The following NFIC variants were observed in gnomAD, a reference collection of about 807,000 sequenced individuals.
The protein encoded by NFIC is nuclear factor 1 C-type.
NFIC carries 12 observed loss-of-function variants against 54.4 expected under a neutral mutation model. That is an observed-to-expected ratio of 0.22 (90% CI 0.14 to 0.36). The LOEUF is 0.36. Among genes scored for constraint, NFIC ranks in the 10% least tolerant of loss-of-function variants. The probability of loss-of-function intolerance (pLI) is 1.00; values close to 1 mark genes in which losing one functional copy is unlikely to be tolerated. For missense variants in NFIC, 575 were observed against 718.2 expected (o/e 0.80, Z 2.28); for synonymous variants, 322 against 319.2 (o/e 1.01, Z -0.09).
At position 3,463,577 on chromosome 19, in the gene NFIC, G is replaced by A. The variant is rs1026525627; in HGVS notation, c.*808G>A. Reference sequence around the variant, plus strand: ...CGCTGGGGACTCTTTCAGCCCTCGCGCCCGCCCGTTTGGGAGGAGAAGTCT... The same window carrying A: ...CGCTGGGGACTCTTTCAGCCCTCGCACCCGCCCGTTTGGGAGGAGAAGTCT... On this transcript the variant is annotated 3_prime_UTR_variant, in exon 11 of 11. Coordinates refer to ENST00000443272, the MANE Select transcript of NFIC (RefSeq NM_001245002.2). The A allele has an allele frequency of 4.3e-5, 42 of 985,096 alleles. No individual in the cohort carries two copies. The African/African-American group carries it at 6.8e-4, about 16-fold the overall frequency. 61.0% of individuals were successfully genotyped at this position (985,096 alleles called of 1,614,324 possible). A position where few individuals can be genotyped will look rare whatever the true frequency, so the allele number is the denominator to read the frequency against.
rs79647326 is a variant in NFIC at position 3,370,917 on chromosome 19, C to T, written c.30+4251C>T. Among the ~76,000 whole-genome samples, 1,111 of 152,314 alleles carry T rather than the reference C, an allele frequency of 7.3e-3. 11 individuals are homozygous for T. Among genetic ancestry groups the T allele is most frequent in the African/African-American group, 0.025 (1,047 of 41,558 alleles). ...CCCTGAGCACACAGCGTGCGGGCACCCAAGTCCTGACCAGTTCACATCCAT... is the reference window on the plus strand; with the variant it reads ...CCCTGAGCACACAGCGTGCGGGCACTCAAGTCCTGACCAGTTCACATCCAT... On this transcript the variant is annotated intron_variant, in intron 1 of 10. Transcript: ENST00000443272. The surrounding 1 kb of genome is among the most constrained non-coding windows in gnomAD (Gnocchi z 5.2).
At chr19:3,384,824 C>T (rs926243011) in intron 2 of NFIC, among the ~76,000 whole-genome samples, 49 of 152,016 alleles carry the variant, frequency 3.2e-4, no homozygotes, top group African/African-American at 1.0e-3. Context: ...GAGAGGTGGG[C>T]CGGGTGACTG....
chr19:3,386,450 G>A (rs1330658173), intron 2 of NFIC, among the ~76,000 whole-genome samples: 1 of 150,628 alleles, frequency 6.6e-6, no homozygotes, highest in East Asian at 2.0e-4. Context: ...AGCCTCCCGA[G>A]TAGCTGAGAT....
At chr19:3,454,389 A>C in intron 9 of NFIC, 1 of 496,982 alleles carries the variant, frequency 2.0e-6, no homozygotes, top group Non-Finnish European at 2.6e-6. Context: ...GAAAGGAGCT[A>C]CACCAGGCCC....
intron 3 of NFIC, among the ~76,000 whole-genome samples, chr19:3,428,054 C>A (rs1370686889): frequency 1.3e-5 from 2 of 151,614 alleles, no homozygotes; most frequent in African/African-American, 4.9e-5. Flanking sequence ...CCTGTAATCC[C>A]AGCTACCCGA....
In NFIC at chr19:3,468,772, C is replaced by A. The variant is rs2122003235; in HGVS notation, c.*6003C>A. ...CCAGGATAGTTTACTCTCCTTCTAG[C>A]TTTCTGCTTACCGCACACTGGATAA... On this transcript the variant is annotated 3_prime_UTR_variant, in exon 11 of 11. Coordinates refer to ENST00000443272, the MANE Select transcript of NFIC (RefSeq NM_001245002.2). 1 of 152,090 alleles carries A rather than the reference C, an allele frequency of 6.6e-6. No individual in the cohort carries two copies. Among genetic ancestry groups the A allele is most frequent in the South Asian group, 2.1e-4 (1 of 4,814 alleles). The allele number at this position is 152,090 out of a possible 1,614,324, so 9.4% of individuals were successfully genotyped here.
rs905956089 is a variant in NFIC, at chr19:3,449,116, G to A, written c.1061G>A (p.Arg354Gln). 11 of 1,613,510 alleles carry A rather than the reference G, an allele frequency of 6.8e-6. No individual in the cohort carries two copies. The highest frequency in any genetic ancestry group is 1.7e-5 in the Admixed American group (1 of 59,954). The stretch of plus-strand genomic sequence containing the variant: ...CTCTCCAGCTTCACCCAGCACCACC[G>A]GCCCGTCATCGCCGTGCACAGCGGT... ...PRLSSFTQHHRPVIAVHSGIA... is the reference protein window; with the variant it reads ...PRLSSFTQHHQPVIAVHSGIA... The change falls in exon 7 of 11, where the codon CGG (arginine) becomes CAG (glutamine). Residue 354 changes from arginine to glutamine, a missense_variant. Arg to Gln is a conservative substitution (Grantham distance 43). This residue lies in a region of NFIC where 447 missense variants were observed against 526.9 expected (regional missense o/e 0.85). Coordinates refer to ENST00000443272, the MANE Select transcript of NFIC (RefSeq NM_001245002.2).
At chr19:3,383,082 G>A (rs1365446427) in intron 2 of NFIC, among the ~76,000 whole-genome samples, 2 of 152,064 alleles carry the variant, frequency 1.3e-5, no homozygotes, top group African/African-American at 4.8e-5. Flanking sequence ...CACAACGGAC[G>A]GCCTTGCTGG....
At chr19:3,438,436 T>C (rs1398827451) in intron 6 of NFIC, among the ~76,000 whole-genome samples, 1 of 149,566 alleles carries the variant, frequency 6.7e-6, no homozygotes, top group Non-Finnish European at 1.5e-5. Context: ...TTTCTTTTTT[T>C]TTTTTTTTTT....
chr19:3,430,927 G>A lies in NFIC; in HGVS notation c.635-2591G>A, dbSNP rs1477056049. Among the ~76,000 whole-genome samples, 56 of 91,482 alleles carry A rather than the reference G, an allele frequency of 6.1e-4. 2 individuals are homozygous for A. The highest frequency in any genetic ancestry group is 4.8e-3 in the Admixed American group (47 of 9,834). 60.0% of individuals were successfully genotyped at this position (91,482 alleles called of 152,430 possible). ...AGCCTGGGCGACAGAGTGAGACTCC[G>A]TCTCAAAAAAAAAAAAAAAGAAAAG... On this transcript the variant is annotated intron_variant, in intron 3 of 10. Coordinates refer to ENST00000443272, the MANE Select transcript of NFIC (RefSeq NM_001245002.2).
At chr19:3,422,623 A>G (rs1369090993) in intron 2 of NFIC, among the ~76,000 whole-genome samples, 1 of 151,588 alleles carries the variant, frequency 6.6e-6, no homozygotes, top group Non-Finnish European at 1.5e-5. Context: ...AGACTGAGGC[A>G]GGAGAATGGC....
chr19:3,435,712 C>G (rs567425951), intron 6 of NFIC, among the ~76,000 whole-genome samples: 24 of 152,152 alleles, frequency 1.6e-4, no homozygotes, highest in Admixed American at 7.9e-4. Flanking sequence ...GCAGGAGACT[C>G]GTCTCCTTTC....
upstream of NFIC, chr19:3,366,478 G>A: frequency 3.9e-6 from 2 of 511,994 alleles, no homozygotes; most frequent in Non-Finnish European, 6.8e-6. Context: ...AGAGCAGGAG[G>A]GAGGAGGAGG....
chr19:3,379,533 A>G (rs2081163277), intron 1 of NFIC, among the ~76,000 whole-genome samples: 1 of 151,238 alleles, frequency 6.6e-6, no homozygotes, highest in Admixed American at 6.6e-5. Context: ...TTTAGTAAAG[A>G]TGGGGTTTCA....
intron 1 of NFIC, among the ~76,000 whole-genome samples, chr19:3,376,790 G>A (rs1005258349): frequency 6.6e-5 from 10 of 151,958 alleles, no homozygotes; most frequent in African/African-American, 1.7e-4. Flanking sequence ...GTGCAATGGC[G>A]CGACCTTGGC....
At chr19:3,398,139 G>C (rs373309759) in intron 2 of NFIC, among the ~76,000 whole-genome samples, 91 of 152,212 alleles carry the variant, frequency 6.0e-4, no homozygotes, top group Non-Finnish European at 1.1e-3. Flanking sequence ...TTCATCCGCC[G>C]TGCAGACTTG....
intron 3 of NFIC, among the ~76,000 whole-genome samples, chr19:3,432,296 C>T (rs541759574): frequency 1.5e-3 from 229 of 152,250 alleles, no homozygotes; most frequent in African/African-American, 5.4e-3. Context: ...AGGGTTTTAA[C>T]TGCGGCTTGT....
intron 2 of NFIC, among the ~76,000 whole-genome samples, chr19:3,413,461 T>A (rs1331453850): frequency 6.6e-6 from 1 of 152,038 alleles, no homozygotes; most frequent in Non-Finnish European, 1.5e-5. Flanking sequence ...CCAGCTGGTG[T>A]TCTGTGAGTT....
Position 3,382,047 on chromosome 19 carries a change from G to A in NFIC, c.366G>A (p.Arg122=). Residue 122 remains arginine, a synonymous_variant, in exon 2 of 11, where the codon CGG becomes CGA. Transcript: ENST00000443272. The stretch of plus-strand genomic sequence containing the variant: ...AGATGCGGCGCATCGACTGTCTCCG[G>A]CAGGCGGACAAGGTGTGGCGGCTGG... The part of the protein sequence containing the change: ...KGKMRRIDCL[R]QADKVWRLDL... The A allele has an allele frequency of 6.2e-7, 1 of 1,613,482 alleles. No homozygotes were observed. Among genetic ancestry groups the A allele is most frequent in the Non-Finnish European group, 8.5e-7 (1 of 1,179,944 alleles).
Sources: allele counts gnomAD v4.1 joint callset (sites outside exome capture counted in the v4.1 genomes callset), GRCh38; gene constraint gnomAD v4.1.1; regional missense constraint gnomAD v4.1.1; non-coding constraint Gnocchi (gnomAD v3.1); transcripts MANE v1.5; gene names NCBI Gene and HGNC (gene_info 2026-07-23, HGNC 2026-07-21).